The following CTNNA3 variants were observed in gnomAD, a reference collection of about 807,000 sequenced individuals.
CTNNA3 encodes the protein catenin alpha 3, also known as catenin alpha-3.
A neutral mutation model predicts 95.7 loss-of-function variants in CTNNA3; 76 were observed. The observed-to-expected ratio is 0.79, with a 90% CI of 0.66 to 0.96. The LOEUF (loss-of-function observed/expected upper bound fraction) is 0.96. CTNNA3 is among the 40% of genes least tolerant of loss of function. The pLI is 0.00. For synonymous variants in CTNNA3, 431 were observed against 374.4 expected (o/e 1.15, Z -1.74); for missense variants, 1,191 against 1,089.8 (o/e 1.09, Z -1.31).
rs142653287 is a variant in CTNNA3, at chr10:66,417,340, A to G, written c.1532-37988T>C. On this transcript the variant is annotated intron_variant, in intron 11 of 17. Coordinates refer to ENST00000433211, the MANE Select transcript of CTNNA3 (RefSeq NM_013266.4). ...TCTAGCAAGAGGAAATAACAATTCT[A>G]AATATATATGCACCCAAAACTGGAA... is the stretch of plus-strand genomic sequence containing the variant. Among the ~76,000 whole-genome samples the G allele has an allele frequency of 6.8e-3, 1,041 of 152,178 alleles. 10 individuals are homozygous for G. Among genetic ancestry groups the G allele is most frequent in the African/African-American group, 0.024 (985 of 41,574 alleles).
In CTNNA3 at chr10:67,474,231, T is replaced by C. The variant is rs190895740; in HGVS notation, c.579+47611A>G. Among the ~76,000 whole-genome samples the C allele has an allele frequency of 3.6e-3, 555 of 152,318 alleles. 8 individuals carry two copies. The highest frequency in any genetic ancestry group is 0.013 in the African/African-American group (530 of 41,578). ...TGAGCATCCATGATTTTGGTATCCA[T>C]GGAGGGTCCTGAATACCAGAATGTG... On this transcript the variant is annotated intron_variant, in intron 5 of 17. Coordinates refer to ENST00000433211, the MANE Select transcript of CTNNA3 (RefSeq NM_013266.4).
chr10:66,624,912 T>C (rs573621605), intron 9 of CTNNA3, among the ~76,000 whole-genome samples: 39 of 152,274 alleles, frequency 2.6e-4, no homozygotes, highest in Admixed American at 2.0e-3. Context: ...CCAGACTTTT[T>C]ATTGGTATTT....
At chr10:67,704,672 C>T (rs1312175450) in intron 1 of CTNNA3, among the ~76,000 whole-genome samples, 1 of 152,016 alleles carries the variant, frequency 6.6e-6, no homozygotes, top group African/African-American at 2.4e-5. Context: ...ACCATAAAAA[C>T]CCTAGAAGAA....
intron 7 of CTNNA3, among the ~76,000 whole-genome samples, chr10:67,161,024 TG>T (rs1433767404): frequency 6.6e-6 from 1 of 151,982 alleles, no homozygotes; most frequent in East Asian, 1.9e-4. Context: ...GCTAGGGGAT[TG>T]GGGAGGGAGA....
chr10:66,215,644 G>T (rs2131963311), intron 13 of CTNNA3, among the ~76,000 whole-genome samples: 1 of 152,240 alleles, frequency 6.6e-6, no homozygotes, highest in African/African-American at 2.4e-5. Flanking sequence ...TAGGGAGATT[G>T]TTAGCTATTC....
intron 10 of CTNNA3, among the ~76,000 whole-genome samples, chr10:66,602,973 A>G (rs540680357): frequency 2.0e-5 from 3 of 152,186 alleles, no homozygotes; most frequent in South Asian, 4.2e-4. Flanking sequence ...TATGTGACAA[A>G]CCTATAGCAA....
At chr10:67,564,194 G>A (rs1158697356) in intron 3 of CTNNA3, among the ~76,000 whole-genome samples, 2 of 149,606 alleles carry the variant, frequency 1.3e-5, no homozygotes, top group Non-Finnish European at 3.0e-5. Flanking sequence ...ACATGCACAC[G>A]TATGTTTATT....
At chr10:67,644,495 G>GA (rs11303361) in intron 2 of CTNNA3, among the ~76,000 whole-genome samples, 202 of 150,784 alleles carry the variant, frequency 1.3e-3, no homozygotes, top group African/African-American at 4.6e-3. Flanking sequence ...TGTTATCCTA[G>GA]AAAAAAAAAC....
At chr10:67,269,263 G>A (rs1838848502) in intron 5 of CTNNA3, among the ~76,000 whole-genome samples, 2 of 152,200 alleles carry the variant, frequency 1.3e-5, no homozygotes, top group African/African-American at 2.4e-5. Context: ...TAGATTTATT[G>A]TTTAAAAAAT....
At chr10:65,988,486 A>C (rs940691727) in intron 16 of CTNNA3, among the ~76,000 whole-genome samples, 2 of 152,308 alleles carry the variant, frequency 1.3e-5, no homozygotes, top group East Asian at 1.9e-4. Flanking sequence ...AGTATGTTTT[A>C]AGCTAAAAAT....
chr10:67,021,670 GA>G (rs1446415389), intron 7 of CTNNA3, among the ~76,000 whole-genome samples: 5 of 151,800 alleles, frequency 3.3e-5, no homozygotes, highest in African/African-American at 7.3e-5. Context: ...TATATATTCC[GA>G]AAAAAATGGC....
At position 67,746,580 on chromosome 10, in the gene CTNNA3, G is replaced by A. The variant is rs753070113; in HGVS notation, c.-2+16854C>T. Reference sequence around the variant, plus strand: ...AGCAGAGTGGTGCCTCAGCCCACCTGACAGCCACATGGGACAAAGGCAGCC... The same window carrying A: ...AGCAGAGTGGTGCCTCAGCCCACCTAACAGCCACATGGGACAAAGGCAGCC... On this transcript the variant is annotated intron_variant, in intron 1 of 17. Transcript: ENST00000684154. Among the ~76,000 whole-genome samples the A allele has an allele frequency of 1.7e-3, 264 of 152,282 alleles. 2 individuals are homozygous for A. Among genetic ancestry groups the A allele is most frequent in the Non-Finnish European group, 3.2e-3 (215 of 68,014 alleles).
At chr10:67,044,305 G>C (rs1160622564) in intron 7 of CTNNA3, among the ~76,000 whole-genome samples, 1 of 152,110 alleles carries the variant, frequency 6.6e-6, no homozygotes, top group African/African-American at 2.4e-5. Context: ...ACAATTTAAC[G>C]AGGGGGAAGG....
chr10:67,181,980 C>T (rs1028090254), intron 6 of CTNNA3, among the ~76,000 whole-genome samples: 2 of 152,036 alleles, frequency 1.3e-5, no homozygotes, highest in Admixed American at 6.6e-5. Context: ...ATCCAACTTA[C>T]AAGGGATGTG....
intron 1 of CTNNA3, among the ~76,000 whole-genome samples, chr10:67,653,923 T>C (rs531775265): frequency 6.6e-6 from 1 of 152,186 alleles, no homozygotes; most frequent in Non-Finnish European, 1.5e-5. Context: ...GTGCCTATGT[T>C]GGCCTCTTCG....
chr10:66,942,294 C>T (rs764054427), intron 7 of CTNNA3, among the ~76,000 whole-genome samples: 1 of 152,144 alleles, frequency 6.6e-6, no homozygotes, highest in Non-Finnish European at 1.5e-5. Context: ...ATGTCCTTGA[C>T]GCTTACCAAT....
intron 5 of CTNNA3, among the ~76,000 whole-genome samples, chr10:67,478,457 A>G (rs1038087950): frequency 6.6e-6 from 1 of 152,204 alleles, no homozygotes; most frequent in African/African-American, 2.4e-5. Context: ...TTTGTAAGCC[A>G]GGAGAGATTG....
At chr10:67,241,334 A>G (rs1865711208) in intron 5 of CTNNA3, among the ~76,000 whole-genome samples, 1 of 152,092 alleles carries the variant, frequency 6.6e-6, no homozygotes, top group South Asian at 2.1e-4. Flanking sequence ...GAGGCATAAG[A>G]ATCACTTGAA....
At chr10:67,025,446 G>A (rs967477219) in intron 7 of CTNNA3, among the ~76,000 whole-genome samples, 1 of 151,908 alleles carries the variant, frequency 6.6e-6, no homozygotes, top group Non-Finnish European at 1.5e-5. Flanking sequence ...TAAGTACAAT[G>A]CTTGGGAAAA....
Sources: allele counts gnomAD v4.1 joint callset (sites outside exome capture counted in the v4.1 genomes callset), GRCh38; gene constraint gnomAD v4.1.1; transcripts MANE v1.5; gene names NCBI Gene and HGNC (gene_info 2026-07-23, HGNC 2026-07-21).